Variants in SKP2 observed in about 807,000 individuals in gnomAD.
The protein encoded by SKP2 is S-phase kinase associated protein 2.
SKP2 carries 16 observed loss-of-function variants against 51.8 expected under a neutral mutation model. The observed-to-expected ratio is 0.31, with a 90% CI of 0.21 to 0.47. SKP2 has a LOEUF of 0.47. Ranked by LOEUF, SKP2 falls within the 20% of genes least tolerant of loss-of-function variation. SKP2 has a pLI of 1.00. For synonymous variants in SKP2, 176 were observed against 198.6 expected (o/e 0.89, Z 0.96); for missense variants, 377 against 505.3 (o/e 0.75, Z 2.43).
intron 2 of SKP2, among the ~76,000 whole-genome samples, chr5:36,158,721 G>A (rs145526765): frequency 4.4e-4 from 67 of 152,302 alleles, no homozygotes; most frequent in African/African-American, 1.5e-3. Flanking sequence ...GAACCCACTA[G>A]GATGGAAAGG....
chr5:36,159,463 A>G (rs559376498), intron 2 of SKP2, among the ~76,000 whole-genome samples: 1 of 152,190 alleles, frequency 6.6e-6, no homozygotes, highest in Non-Finnish European at 1.5e-5. Context: ...TGCCCTATCT[A>G]TAGCCCCTTG....
chr5:36,177,158 A>G (rs371775280), intron 8 of SKP2, 27 bp from the exon 9 acceptor site: 21 of 1,479,146 alleles, frequency 1.4e-5, no homozygotes, highest in East Asian at 9.0e-5. Context: ...GTGATTTTCA[A>G]TATCTTTTCT....
At chr5:36,165,415 C>T (rs1379501643) in intron 3 of SKP2, among the ~76,000 whole-genome samples, 7 of 152,212 alleles carry the variant, frequency 4.6e-5, no homozygotes, top group Non-Finnish European at 1.0e-4. Context: ...TGTTCCAAAA[C>T]TTCTCCCAGG....
rs70973094 is a variant in SKP2, at chr5:36,190,683, C to CAAAAAAAAA, written c.633-1923_633-1915dup. 1.1e-3 allele frequency among the ~76,000 whole-genome samples: 88 copies of CAAAAAAAAA among 81,170 alleles called. 4 individuals carry two copies. Among genetic ancestry groups the CAAAAAAAAA allele is most frequent in the African/African-American group, 3.7e-3 (69 of 18,734 alleles). 53.3% of individuals were successfully genotyped at this position (81,170 alleles called of 152,430 possible). ...AATGATGAAAAACGTCAAACATATGCAAAAAAAAAAAAAAAAAAAAAAAGA... is the reference window on the plus strand; with the variant it reads ...AATGATGAAAAACGTCAAACATATGCAAAAAAAAAAAAAAAAAAAAAAAAAAAAAAAAGA... On this transcript the variant is annotated intron_variant, in intron 6 of 7. Coordinates refer to the SKP2 transcript ENST00000677886.
In SKP2 at chr5:36,184,066, C is replaced by G. The variant is rs1195563240; in HGVS notation, c.*2035C>G. 1.0e-6 allele frequency: 1 copy of G among 967,124 alleles called. No homozygotes were observed. Among genetic ancestry groups the G allele is most frequent in the East Asian group, 2.6e-5 (1 of 37,978 alleles). The allele number at this position is 967,124 out of a possible 1,614,324, so 59.9% of individuals were successfully genotyped here. A position where few individuals can be genotyped will look rare whatever the true frequency, so the allele number is the denominator to read the frequency against. Reference sequence around the variant, plus strand: ...ACTAAGTTGTATTCCTTTTTTCTTTCTCTTTTTTTAAGTGCTGTGGTTAAA... The same window carrying G: ...ACTAAGTTGTATTCCTTTTTTCTTTGTCTTTTTTTAAGTGCTGTGGTTAAA... On this transcript the variant is annotated 3_prime_UTR_variant, in exon 10 of 10. Coordinates refer to ENST00000274255, the MANE Select transcript of SKP2 (RefSeq NM_005983.4).
At chr5:36,166,825 A>G (rs1745305183) in intron 4 of SKP2, among the ~76,000 whole-genome samples, 163 bp downstream of exon 4, 1 of 150,432 alleles carries the variant, frequency 6.6e-6, no homozygotes, top group African/African-American at 2.4e-5. Flanking sequence ...CCTTTGTGCT[A>G]AAACCTAGCA....
chr5:36,153,112 G>A, intron 2 of SKP2, 70 bp downstream of exon 2: 1 of 1,468,320 alleles, frequency 6.8e-7, no homozygotes. Context: ...GGAAACCTTT[G>A]TTCAGAGATC....
In SKP2 at chr5:36,178,294, CA is replaced by C. The variant is rs369629102; in HGVS notation, c.1061+1005del. Reference sequence around the variant, plus strand: ...AGGTAGGAAGGGTGGTGAATTTGAACAAAGAACTTTAGTCCTCAGAATCATA... The same window carrying C: ...AGGTAGGAAGGGTGGTGAATTTGAACAAGAACTTTAGTCCTCAGAATCATA... On this transcript the variant is annotated intron_variant, in intron 9 of 9. Coordinates refer to ENST00000274255, the MANE Select transcript of SKP2 (RefSeq NM_005983.4). 2.4e-3 allele frequency among the ~76,000 whole-genome samples: 366 copies of C among 152,236 alleles called. 3 individuals carry two copies. Among genetic ancestry groups the C allele is most frequent in the African/African-American group, 8.3e-3 (344 of 41,554 alleles).
chr5:36,175,985 G>T (rs1414107895), intron 7 of SKP2, among the ~76,000 whole-genome samples: 2 of 151,574 alleles, frequency 1.3e-5, no homozygotes, highest in East Asian at 3.9e-4. Flanking sequence ...TCCAAAAAAA[G>T]CAGGAATCAG....
At chr5:36,155,176 C>T (rs1744904388) in intron 2 of SKP2, 1 of 151,784 alleles carries the variant, frequency 6.6e-6, no homozygotes, top group Non-Finnish European at 1.5e-5. Flanking sequence ...ATTAGCATGG[C>T]CCCTGCGCAG....
At position 36,152,148 on chromosome 5, in the gene SKP2, C is replaced by G. The variant is rs1744743782; in HGVS notation, c.-115C>G. On this transcript the variant is annotated 5_prime_UTR_variant, in exon 1 of 10. Coordinates refer to ENST00000274255, the MANE Select transcript of SKP2 (RefSeq NM_005983.4). Reference sequence around the variant, plus strand: ...ACGTTGCTAGGCTTAGCGGGTCTGGCTGCTGGGGGCCCGAGCAGCACGCTC... The same window carrying G: ...ACGTTGCTAGGCTTAGCGGGTCTGGGTGCTGGGGGCCCGAGCAGCACGCTC... 9 of 1,088,452 alleles carry G rather than the reference C, an allele frequency of 8.3e-6. No individual in the cohort carries two copies. The East Asian group carries it at 2.1e-4, about 26-fold the overall frequency. The allele number at this position is 1,088,452 out of a possible 1,614,324, so 67.4% of individuals were successfully genotyped here.
At chr5:36,168,148 C>T (rs1287267609) in intron 4 of SKP2, among the ~76,000 whole-genome samples, 165 bp from the exon 5 acceptor site, 2 of 152,204 alleles carry the variant, frequency 1.3e-5, no homozygotes, top group South Asian at 2.1e-4. Context: ...GATGGGAATA[C>T]ACTAGTAGCA....
In SKP2 at chr5:36,183,878, C is replaced by G. The variant is rs776915744; in HGVS notation, c.*1847C>G. On this transcript the variant is annotated 3_prime_UTR_variant, in exon 10 of 10. Transcript: ENST00000274255. ...GCTGGGGTTAGGATCCGGTTGGACT[C>G]TGACATCGGATGCCCTCAAACATAC... 2 of 1,608,868 alleles carry G rather than the reference C, an allele frequency of 1.2e-6. No individual in the cohort carries two copies. Among genetic ancestry groups the G allele is most frequent in the East Asian group, 4.5e-5 (2 of 44,780 alleles).
Position 36,171,634 on chromosome 5 carries a change from G to C in SKP2, c.802G>C (p.Asp268His). 6.2e-7 allele frequency: 1 copy of C among 1,613,744 alleles called. No homozygotes were observed. The highest frequency in any genetic ancestry group is 8.5e-7 in the Non-Finnish European group (1 of 1,179,764). The change falls in exon 7 of 10, where the codon GAT (aspartate) becomes CAT (histidine). Residue 268 changes from aspartate to histidine, a missense_variant. Asp to His is a moderately conservative substitution (Grantham distance 81). Coordinates refer to ENST00000274255, the MANE Select transcript of SKP2 (RefSeq NM_005983.4). ...LDELNLSWCFDFTEKHVQVAV... is the reference protein window; with the variant it reads ...LDELNLSWCFHFTEKHVQVAV... ...TGAGCTGAACCTCTCCTGGTGTTTT[G>C]ATTTCACTGAAAAGCATGTACAGGT...
At chr5:36,191,082 G>A (rs752004562) in intron 6 of SKP2, among the ~76,000 whole-genome samples, 3 of 152,086 alleles carry the variant, frequency 2.0e-5, no homozygotes, top group Non-Finnish European at 2.9e-5. Context: ...TATCTGTCCT[G>A]TGTTCTACAT....
chr5:36,162,315 G>C (rs249251), intron 2 of SKP2, among the ~76,000 whole-genome samples: 133,390 of 152,166 alleles, frequency 0.88, 59,113 homozygotes, highest in Non-Finnish European at 0.94. Context: ...CTGTTCCTTG[G>C]ATCTAGAACA....
At chr5:36,191,306 G>A (rs905111592) in intron 6 of SKP2, among the ~76,000 whole-genome samples, 8 of 151,796 alleles carry the variant, frequency 5.3e-5, no homozygotes, top group South Asian at 2.1e-4. Flanking sequence ...CTAACCATCC[G>A]AAAACAGGAA....
chr5:36,185,110 G>A (rs1213975489), downstream of SKP2, among the ~76,000 whole-genome samples: 1 of 152,016 alleles, frequency 6.6e-6, no homozygotes. Flanking sequence ...TGATGGGGTG[G>A]TTTTTTTCTT....
In SKP2 at chr5:36,152,247, C is replaced by G. The variant is rs777988514; in HGVS notation, c.-16C>G. On this transcript the variant is annotated 5_prime_UTR_variant, in exon 1 of 10. Coordinates refer to ENST00000274255, the MANE Select transcript of SKP2 (RefSeq NM_005983.4). Reference sequence around the variant, plus strand: ...AGTTAATGCACGTATTTTAAACTCCCGGGCCTGCGGACGCTATGCACAGGT... The same window carrying G: ...AGTTAATGCACGTATTTTAAACTCCGGGGCCTGCGGACGCTATGCACAGGT... 1 of 1,613,496 alleles carries G rather than the reference C, an allele frequency of 6.2e-7. No homozygotes were observed. Among genetic ancestry groups the G allele is most frequent in the African/African-American group, 1.3e-5 (1 of 74,924 alleles).
Sources: gnomAD v4.1 joint callset for allele counts (sites outside exome capture counted in the v4.1 genomes callset) on GRCh38, gnomAD v4.1.1 for gene constraint, MANE v1.5 for transcripts, NCBI Gene and HGNC (gene_info 2026-07-23, HGNC 2026-07-21) for gene names.